TSPAN2: variants seen among roughly 807,000 people sequenced by gnomAD.
TSPAN2 encodes the protein tetraspanin-2.
A neutral mutation model predicts 33.3 loss-of-function variants in TSPAN2; 24 were observed. The observed-to-expected ratio is 0.72, with a 90% CI of 0.52 to 1.01. TSPAN2 has a LOEUF of 1.01. TSPAN2 is among the 50% of genes least tolerant of loss of function. The probability of loss-of-function intolerance (pLI) is 0.00; values close to 1 mark genes in which losing one functional copy is unlikely to be tolerated. For synonymous variants in TSPAN2, 114 were observed against 104.5 expected, an observed-to-expected ratio of 1.09 and a Z score of -0.56; for missense variants, 278 against 281.3, an observed-to-expected ratio of 0.99 and a Z score of 0.08.
chr1:115,089,409 C>A lies in TSPAN2; in HGVS notation c.24G>T (p.Leu8=). Residue 8 remains leucine, a synonymous_variant, in exon 1 of 8, where the codon CTG becomes CTT. Transcript: ENST00000369516. ...CAAGCAGCAGGTACTTGATGCACCG[C>A]AGGCCCCCGCGGAAGCGCCCCATGC... MGRFRGG[L]RCIKYLLLGF... 1 of 1,589,104 alleles carries A rather than the reference C, an allele frequency of 6.3e-7. No individual in the cohort carries two copies. The highest frequency in any genetic ancestry group is 2.3e-5 in the East Asian group (1 of 42,818).
chr1:115,071,053 T>C (rs1648151840), intron 2 of TSPAN2, among the ~76,000 whole-genome samples: 1 of 152,192 alleles, frequency 6.6e-6, no homozygotes, highest in Admixed American at 6.5e-5. Flanking sequence ...ATTTCAGTTT[T>C]ATGTCTACGG....
chr1:115,088,987 A>AG (rs1393506365), intron 1 of TSPAN2, among the ~76,000 whole-genome samples: 1 of 146,148 alleles, frequency 6.8e-6, no homozygotes, highest in African/African-American at 2.6e-5. Context: ...CAGAGTGAAA[A>AG]GGGGGTGTGT....
intron 2 of TSPAN2, among the ~76,000 whole-genome samples, chr1:115,071,513 C>T (rs190651806): frequency 7.4e-4 from 112 of 152,302 alleles, no homozygotes; most frequent in Admixed American, 2.5e-3. Context: ...AAGTCCCCAT[C>T]TCCAGACTTC....
At chr1:115,056,619 G>T (rs578259615) in intron 6 of TSPAN2, among the ~76,000 whole-genome samples, 1 of 152,086 alleles carries the variant, frequency 6.6e-6, no homozygotes, top group South Asian at 2.1e-4. Flanking sequence ...ACCTCTGTCA[G>T]CCTTCCCCAT....
chr1:115,085,859 T>C (rs75241618), intron 1 of TSPAN2, among the ~76,000 whole-genome samples: 4,989 of 152,262 alleles, frequency 0.033, 123 homozygotes, highest in Non-Finnish European at 0.046. Flanking sequence ...AGGAAGGTCC[T>C]TCATGTCCTA....
intron 7 of TSPAN2, among the ~76,000 whole-genome samples, chr1:115,053,106 G>A (rs1440022487): frequency 6.6e-6 from 1 of 152,104 alleles, no homozygotes; most frequent in Non-Finnish European, 1.5e-5. Context: ...ATTTATCTAG[G>A]TTATGGATAG....
intron 1 of TSPAN2, among the ~76,000 whole-genome samples, chr1:115,086,483 T>C (rs556001277): frequency 1.3e-5 from 2 of 152,348 alleles, no homozygotes; most frequent in African/African-American, 4.8e-5. Flanking sequence ...AATAGCTCCT[T>C]CTTAAGGAGA....
intron 5 of TSPAN2, 107 bp from the exon 6 acceptor site, chr1:115,057,715 G>C (rs541929761): frequency 2.6e-4 from 253 of 972,700 alleles, no homozygotes; most frequent in Non-Finnish European, 3.8e-4. Context: ...GCAGCTCCGA[G>C]GCCCAGTCAC....
intron 2 of TSPAN2, among the ~76,000 whole-genome samples, chr1:115,069,468 T>A (rs1286348): frequency 6.6e-6 from 1 of 152,218 alleles, no homozygotes; most frequent in African/African-American, 2.4e-5. Context: ...GAAAAAAGCA[T>A]GTTCTACTTC....
Position 115,051,790 on chromosome 1 carries a change from C to T in TSPAN2, c.601-1235G>A, listed in dbSNP as rs149948397. On this transcript the variant is annotated intron_variant, in intron 7 of 7. Transcript: ENST00000369516. ...AACAGGATTTCAAGCTTCTGGATGA[C>T]AGGACTCAGTACCAGTGTGTAGCAC... is the stretch of plus-strand genomic sequence containing the variant. 6.9e-3 allele frequency among the ~76,000 whole-genome samples: 1,044 copies of T among 152,284 alleles called. 8 individuals carry two copies. The highest frequency in any genetic ancestry group is 0.022 in the South Asian group (107 of 4,826).
At chr1:115,059,016 G>T in intron 4 of TSPAN2, 35 bp from the exon 5 acceptor site, 1 of 1,529,348 alleles carries the variant, frequency 6.5e-7, no homozygotes, top group Non-Finnish European at 9.0e-7. Flanking sequence ...AGGACTTCTG[G>T]GTGGGAAGTT....
At chr1:115,076,836 A>G (rs775521657) in intron 1 of TSPAN2, among the ~76,000 whole-genome samples, 12 of 152,106 alleles carry the variant, frequency 7.9e-5, no homozygotes, top group Non-Finnish European at 1.5e-4. Flanking sequence ...GAGGGAATCC[A>G]ACCCTGCAGG....
intron 6 of TSPAN2, among the ~76,000 whole-genome samples, chr1:115,056,046 T>A (rs1647408254): frequency 6.6e-6 from 1 of 152,194 alleles, no homozygotes; most frequent in African/African-American, 2.4e-5. Context: ...CCTCTAGTCT[T>A]ACATAGTCAT....
intron 1 of TSPAN2, 53 bp from the exon 2 acceptor site, chr1:115,073,060 G>C: frequency 6.7e-7 from 1 of 1,483,760 alleles, no homozygotes; most frequent in East Asian, 2.3e-5. Context: ...AGCATGCACA[G>C]ATCCGAGAGC....
chr1:115,056,595 G>A (rs1647437610), intron 6 of TSPAN2, among the ~76,000 whole-genome samples: 1 of 152,062 alleles, frequency 6.6e-6, no homozygotes, highest in Non-Finnish European at 1.5e-5. Flanking sequence ...TGAAGATTTA[G>A]CTGAGACATC....
At chr1:115,074,922 G>A (rs566367031) in intron 1 of TSPAN2, among the ~76,000 whole-genome samples, 22 of 152,142 alleles carry the variant, frequency 1.4e-4, no homozygotes, top group African/African-American at 5.3e-4. Context: ...GCCCAGCAAA[G>A]CCTCACAGGC....
intron 1 of TSPAN2, among the ~76,000 whole-genome samples, chr1:115,086,430 CT>C (rs1271444661): frequency 6.6e-6 from 1 of 152,246 alleles, no homozygotes; most frequent in Non-Finnish European, 1.5e-5. Context: ...CACCCCCTCG[CT>C]TTGCCCAGCT....
At chr1:115,056,690 A>G (rs775547837) in intron 6 of TSPAN2, among the ~76,000 whole-genome samples, 1 of 152,190 alleles carries the variant, frequency 6.6e-6, no homozygotes, top group Admixed American at 6.5e-5. Context: ...CACGTTGCAC[A>G]TTCCATGCAT....
intron 2 of TSPAN2, among the ~76,000 whole-genome samples, chr1:115,068,781 T>C (rs1648046456): frequency 1.3e-5 from 2 of 152,234 alleles, no homozygotes; most frequent in African/African-American, 4.8e-5. Context: ...AAAATGTCAA[T>C]TTCTACAAAC....
Sources: allele counts gnomAD v4.1 joint callset (sites outside exome capture counted in the v4.1 genomes callset), GRCh38; gene constraint gnomAD v4.1.1; transcripts MANE v1.5; gene names NCBI Gene and HGNC (gene_info 2026-07-23, HGNC 2026-07-21).